Variants in TSPEAR observed in about 807,000 individuals in gnomAD.
TSPEAR encodes the protein thrombospondin type laminin G domain and EAR repeats, also known as thrombospondin-type laminin G domain and EAR repeat-containing protein.
A neutral mutation model predicts 71.6 loss-of-function variants in TSPEAR; 69 were observed. The observed-to-expected ratio is 0.96, with a 90% CI of 0.79 to 1.18. The LOEUF (loss-of-function observed/expected upper bound fraction) is 1.18, where lower values mean the gene tolerates loss of function less well. Among genes scored for constraint, TSPEAR ranks in the 50% most tolerant of loss-of-function variants. The pLI is 0.00. For synonymous variants in TSPEAR, 402 were observed against 387.2 expected, an observed-to-expected ratio of 1.04 and a Z score of -0.45; for missense variants, 971 against 894.9, an observed-to-expected ratio of 1.09 and a Z score of -1.09.
At chr21:44,554,585 A>G (rs1349225830) in intron 2 of TSPEAR, among the ~76,000 whole-genome samples, 1 of 152,266 alleles carries the variant, frequency 6.6e-6, no homozygotes, top group East Asian at 1.9e-4. Context: ...ACAGATGCAT[A>G]TTCTACATCC....
At chr21:44,693,325 G>C (rs1317996539) in intron 1 of TSPEAR, among the ~76,000 whole-genome samples, 1 of 152,060 alleles carries the variant, frequency 6.6e-6, no homozygotes, top group African/African-American at 2.4e-5. Context: ...TATTACGCAA[G>C]AAGCACCAGC....
chr21:44,601,905 TCC>T, intron 1 of TSPEAR: 1 of 994,844 alleles, frequency 1.0e-6, no homozygotes, highest in Non-Finnish European at 1.5e-6. Context: ...CAGCTGTTTC[TCC>T]AAGTCTTGAC....
intron 1 of TSPEAR, among the ~76,000 whole-genome samples, chr21:44,643,512 T>C (rs782042853): frequency 1.1e-4 from 17 of 152,230 alleles, no homozygotes; most frequent in Non-Finnish European, 1.8e-4. Context: ...AGACGTCATG[T>C]TGTATACCTT....
intron 1 of TSPEAR, among the ~76,000 whole-genome samples, chr21:44,590,931 T>C (rs1979757232): frequency 6.6e-6 from 1 of 152,028 alleles, no homozygotes; most frequent in South Asian, 2.1e-4. Context: ...CCAGAAGGCA[T>C]TGCTTCCTGC....
intron 9 of TSPEAR, among the ~76,000 whole-genome samples, chr21:44,513,371 T>TGTCA (rs2145933415): frequency 6.6e-6 from 1 of 151,260 alleles, no homozygotes; most frequent in South Asian, 2.1e-4. Context: ...GGGACCCCCC[T>TGTCA]GTCAGGCCAC....
At chr21:44,608,877 A>G (rs1429412693) in intron 1 of TSPEAR, among the ~76,000 whole-genome samples, 1 of 152,276 alleles carries the variant, frequency 6.6e-6, no homozygotes, top group Non-Finnish European at 1.5e-5. Context: ...AGCACAATGA[A>G]GAGAAATTAG....
At chr21:44,540,181 G>A (rs1555917064) in intron 2 of TSPEAR, 7 of 1,603,000 alleles carry the variant, frequency 4.4e-6, no homozygotes, top group Admixed American at 1.7e-5. Flanking sequence ...AGCTGCGGGA[G>A]GTGTGAGTGA....
intron 6 of TSPEAR, among the ~76,000 whole-genome samples, chr21:44,528,177 C>T (rs1157940726): frequency 6.6e-6 from 1 of 152,170 alleles, no homozygotes; most frequent in Admixed American, 6.5e-5. Context: ...GCTCGAGGCT[C>T]CTGGTGGGGC....
intron 1 of TSPEAR, among the ~76,000 whole-genome samples, chr21:44,689,712 A>ATATATATATATAT (rs1555949491): frequency 0.018 from 1,107 of 61,950 alleles, 155 homozygotes; most frequent in South Asian, 0.024. Context: ...GAATAGAATG[A>ATATATATATATAT]ATATATATAT....
chr21:44,539,901 T>A, intron 2 of TSPEAR: 1 of 1,613,884 alleles, frequency 6.2e-7, no homozygotes, highest in Non-Finnish European at 8.5e-7. Context: ...GGCTGGCAGC[T>A]AGACTGCTGG....
At chr21:44,677,863 C>T in intron 1 of TSPEAR, 1 of 1,345,372 alleles carries the variant, frequency 7.4e-7, no homozygotes, top group Non-Finnish European at 1.1e-6. Context: ...GTTTTCTCTA[C>T]TCTTTCTCGG....
At chr21:44,576,010 G>A (rs587637466) in intron 1 of TSPEAR, among the ~76,000 whole-genome samples, 13 of 152,330 alleles carry the variant, frequency 8.5e-5, no homozygotes, top group African/African-American at 3.1e-4. Context: ...ATGGTCTGAG[G>A]AGTTTTGGGC....
intron 1 of TSPEAR, among the ~76,000 whole-genome samples, chr21:44,705,076 G>A (rs952260145): frequency 6.6e-6 from 1 of 152,218 alleles, no homozygotes; most frequent in Non-Finnish European, 1.5e-5. Flanking sequence ...CATGGCAGAA[G>A]AACGTGGATT....
intron 1 of TSPEAR, among the ~76,000 whole-genome samples, chr21:44,670,089 AAC>A (rs1569250178): frequency 6.6e-6 from 1 of 152,172 alleles, no homozygotes; most frequent in Non-Finnish European, 1.5e-5. Context: ...TAAATTAGAA[AAC>A]ACACATTTCA....
chr21:44,526,820 C>T (rs367823792), intron 7 of TSPEAR, among the ~76,000 whole-genome samples: 8 of 152,366 alleles, frequency 5.3e-5, no homozygotes, highest in African/African-American at 1.9e-4. Flanking sequence ...CCCAGAGCAG[C>T]CCTGACAGGA....
intron 1 of TSPEAR, chr21:44,681,786 G>A (rs540567654): frequency 5.1e-6 from 8 of 1,572,926 alleles, no homozygotes; most frequent in Non-Finnish European, 6.9e-6. Flanking sequence ...GGAGTGTACA[G>A]GTGTGGCCTC....
chr21:44,550,399 A>ACGCT (rs1158305696), intron 2 of TSPEAR: 1 of 588,322 alleles, frequency 1.7e-6, no homozygotes, highest in Admixed American at 3.0e-5. Flanking sequence ...GCAGAGGGTG[A>ACGCT]CGCTCCTGGG....
chr21:44,579,267 G>A (rs1444527636), intron 1 of TSPEAR, among the ~76,000 whole-genome samples: 1 of 152,172 alleles, frequency 6.6e-6, no homozygotes, highest in African/African-American at 2.4e-5. Context: ...ACCCAGGCAT[G>A]GAGGCTGAGC....
Position 44,695,781 on chromosome 21 carries a change from A to G in TSPEAR, c.82+15652T>C, listed in dbSNP as rs1987306817. 6.6e-6 allele frequency among the ~76,000 whole-genome samples: 1 copy of G among 152,042 alleles called. No homozygotes were observed. The highest frequency in any genetic ancestry group is 1.5e-5 in the Non-Finnish European group (1 of 68,012). On this transcript the variant is annotated intron_variant, in intron 1 of 11. Coordinates refer to ENST00000323084, the MANE Select transcript of TSPEAR (RefSeq NM_144991.3). This position sits in a 1 kb window ranked among gnomAD's most constrained non-coding sequence, Gnocchi z 4.5. The stretch of plus-strand genomic sequence containing the variant: ...ACACACCAGGGTTTCATCTCATCAC[A>G]GGGTAATGTTTACAACGCAGAGACC...
Sources: allele counts gnomAD v4.1 joint callset (sites outside exome capture counted in the v4.1 genomes callset), GRCh38; gene constraint gnomAD v4.1.1; non-coding constraint Gnocchi (gnomAD v3.1); transcripts MANE v1.5; gene names NCBI Gene and HGNC (gene_info 2026-07-23, HGNC 2026-07-21).